Variants in RYK observed in about 807,000 individuals in gnomAD.
RYK encodes inactive tyrosine-protein kinase RYK.
RYK carries 21 observed loss-of-function variants against 70.2 expected under a neutral mutation model. The ratio of observed to expected loss-of-function variants is 0.30; its 90% CI spans 0.21 to 0.43. The LOEUF is 0.43. Among genes scored for constraint, RYK ranks in the 20% least tolerant of loss-of-function variants. The pLI is 1.00. For synonymous variants in RYK, 267 were observed against 278.0 expected (o/e 0.96, Z 0.39); for missense variants, 604 against 753.3 (o/e 0.80, Z 2.32).
intron 2 of RYK, among the ~76,000 whole-genome samples, chr3:134,216,218 C>G (rs1039172825): frequency 1.3e-5 from 2 of 152,116 alleles, no homozygotes; most frequent in Non-Finnish European, 2.9e-5. Context: ...TTCTGGAACA[C>G]AGAGAGTACA....
intron 13 of RYK, chr3:134,171,067 G>A (rs955831111): frequency 1.3e-5 from 2 of 152,272 alleles, no homozygotes; most frequent in Admixed American, 1.3e-4. Flanking sequence ...AGGAAGAGGC[G>A]GAGGAGGAGA....
chr3:134,164,219 C>T (rs2012578822), intron 13 of RYK, among the ~76,000 whole-genome samples: 1 of 152,132 alleles, frequency 6.6e-6, no homozygotes, highest in African/African-American at 2.4e-5. Context: ...TTGTTAGCTG[C>T]AGTGATCAGA....
chr3:134,199,116 AAG>A (rs2013906785), intron 6 of RYK, among the ~76,000 whole-genome samples: 2 of 152,360 alleles, frequency 1.3e-5, no homozygotes, highest in South Asian at 4.1e-4. Context: ...AGGCGTAACA[AAG>A]AGACTGAAAA....
chr3:134,180,617 GAACA>G (rs1390452520), intron 10 of RYK: 4 of 152,098 alleles, frequency 2.6e-5, no homozygotes, highest in South Asian at 2.1e-4. Flanking sequence ...ATAAAAGAAT[GAACA>G]AACAAATACA....
intron 1 of RYK, among the ~76,000 whole-genome samples, chr3:134,249,917 G>GA (rs1172115107): frequency 1.1e-5 from 1 of 93,366 alleles, no homozygotes; most frequent in Admixed American, 1.1e-4. Context: ...TTTCTCTCTC[G>GA]TTTTTTTTTT....
At chr3:134,181,196 T>C (rs1405936833) in intron 10 of RYK, 1 of 152,234 alleles carries the variant, frequency 6.6e-6, no homozygotes, top group African/African-American at 2.4e-5. Context: ...GTTAACATTA[T>C]ATACTAGGAT....
intron 1 of RYK, among the ~76,000 whole-genome samples, chr3:134,239,636 G>T (rs531845310): frequency 1.3e-5 from 2 of 152,122 alleles, no homozygotes; most frequent in African/African-American, 4.8e-5. Flanking sequence ...GAATTTTTTT[G>T]TAAGTATGAT....
At chr3:134,241,739 G>C (rs118023655) in intron 1 of RYK, among the ~76,000 whole-genome samples, 1 of 152,174 alleles carries the variant, frequency 6.6e-6, no homozygotes, top group African/African-American at 2.4e-5. Context: ...GAGAAAGCAC[G>C]CACTTTGGAG....
At chr3:134,244,944 A>G (rs909010617) in intron 1 of RYK, among the ~76,000 whole-genome samples, 13 of 152,218 alleles carry the variant, frequency 8.5e-5, no homozygotes, top group African/African-American at 3.1e-4. Context: ...ATGTGAGAAC[A>G]CAGGGAGAAA....
At chr3:134,248,114 G>A (rs2015513185) in intron 1 of RYK, among the ~76,000 whole-genome samples, 1 of 152,192 alleles carries the variant, frequency 6.6e-6, no homozygotes, top group Non-Finnish European at 1.5e-5. Flanking sequence ...AATGTATGAG[G>A]GAGATGGGAA....
chr3:134,174,365 C>A (rs1576504651), intron 13 of RYK, among the ~76,000 whole-genome samples: 1 of 152,052 alleles, frequency 6.6e-6, no homozygotes, highest in East Asian at 1.9e-4. Context: ...GAGTATATAC[C>A]AATTAATATA....
At position 134,222,457 on chromosome 3, in the gene RYK, C is replaced by A; in HGVS notation, c.315G>T (p.Glu105Asp). Reference sequence around the variant, plus strand: ...GCCAGGTGAAGTGCAGGAAATTTGTCTCACTGGGTACTAACAGACTAAAGG... The same window carrying A: ...GCCAGGTGAAGTGCAGGAAATTTGTATCACTGGGTACTAACAGACTAAAGG... ...ALSFSLLVPS[E>D]TNFLHFTWHA... is the part of the protein sequence containing the mutation. The change falls in exon 2 of 15, where the codon GAG (glutamate) becomes GAT (aspartate). Residue 105 changes from glutamate to aspartate, a missense_variant. Around this residue, in one of 2 missense-constraint regions of RYK, gnomAD observed 466 missense variants for 535.9 expected, o/e 0.87. Transcript: ENST00000623711. 6.2e-7 allele frequency: 1 copy of A among 1,613,448 alleles called. No individual in the cohort carries two copies. Among genetic ancestry groups the A allele is most frequent in the Non-Finnish European group, 8.5e-7 (1 of 1,179,736 alleles).
At chr3:134,202,634 C>G (rs1395430355) in intron 6 of RYK, 96 bp downstream of exon 6, 3 of 1,022,768 alleles carry the variant, frequency 2.9e-6, no homozygotes, top group Non-Finnish European at 4.2e-6. Context: ...ATCCTCCCTC[C>G]TTTCCCTGCA....
At chr3:134,160,255 A>G (rs983002287) in intron 13 of RYK, among the ~76,000 whole-genome samples, 2 of 152,202 alleles carry the variant, frequency 1.3e-5, no homozygotes, top group African/African-American at 4.8e-5. Flanking sequence ...AATCATTGGT[A>G]GCTCAATTTT....
At chr3:134,230,810 G>A (rs2015037479) in intron 1 of RYK, among the ~76,000 whole-genome samples, 1 of 152,102 alleles carries the variant, frequency 6.6e-6, no homozygotes, top group South Asian at 2.1e-4. Context: ...TAAAATCTGT[G>A]TATTTCATTA....
chr3:134,197,070 C>T (rs1158725939), intron 6 of RYK, among the ~76,000 whole-genome samples: 5 of 152,208 alleles, frequency 3.3e-5, no homozygotes, highest in Non-Finnish European at 5.9e-5. Flanking sequence ...ACTGCAATTA[C>T]TGCACCAACC....
chr3:134,242,921 C>T (rs1016060996), intron 1 of RYK, among the ~76,000 whole-genome samples: 6 of 152,176 alleles, frequency 3.9e-5, no homozygotes, highest in African/African-American at 1.4e-4. Flanking sequence ...ATGAAGAACA[C>T]ATGGATTCAA....
At chr3:134,222,949 C>T (rs1354094495) in intron 1 of RYK, among the ~76,000 whole-genome samples, 1 of 152,136 alleles carries the variant, frequency 6.6e-6, no homozygotes, top group Non-Finnish European at 1.5e-5. Flanking sequence ...AGAAAGGCCC[C>T]TCGGATAAAA....
chr3:134,224,884 A>G (rs1253260079), intron 1 of RYK, among the ~76,000 whole-genome samples: 1 of 152,270 alleles, frequency 6.6e-6, no homozygotes, highest in East Asian at 1.9e-4. Flanking sequence ...ATATTGGAAT[A>G]AAGAGTAATG....
Sources: gnomAD v4.1 joint callset for allele counts (sites outside exome capture counted in the v4.1 genomes callset) on GRCh38, gnomAD v4.1.1 for gene constraint, gnomAD v4.1.1 regional missense constraint, MANE v1.5 for transcripts, NCBI Gene and HGNC (gene_info 2026-07-23, HGNC 2026-07-21) for gene names.